The following NKAIN2 variants were observed in gnomAD, a reference collection of about 807,000 sequenced individuals.
The protein encoded by NKAIN2 is sodium/potassium transporting ATPase interacting 2, also known as sodium/potassium-transporting ATPase subunit beta-1-interacting protein 2.
In NKAIN2, 14 loss-of-function variants were observed where a neutral mutation model predicts 32.6. That is an observed-to-expected ratio of 0.43 (90% CI 0.28 to 0.67). NKAIN2 has a LOEUF of 0.67. NKAIN2 is among the 30% of genes least tolerant of loss of function. The pLI, the probability that NKAIN2 is intolerant of heterozygous loss-of-function variation, is 0.17. For missense variants in NKAIN2, 198 were observed against 258.3 expected (o/e 0.77, Z 1.60); for synonymous variants, 80 against 87.2 (o/e 0.92, Z 0.46).
intron 1 of NKAIN2, among the ~76,000 whole-genome samples, chr6:123,888,609 T>C (rs1056377313): frequency 2.0e-5 from 3 of 152,164 alleles, no homozygotes; most frequent in Non-Finnish European, 4.4e-5. Flanking sequence ...CAAATCAATA[T>C]TAAAGTTCCT....
intron 1 of NKAIN2, among the ~76,000 whole-genome samples, chr6:123,917,935 G>T (rs912155588): frequency 8.5e-5 from 13 of 152,092 alleles, no homozygotes; most frequent in African/African-American, 3.1e-4. Flanking sequence ...AGGAATTTTT[G>T]TAAGCTGGGA....
At chr6:124,626,857 C>G (rs1562292395) in intron 3 of NKAIN2, among the ~76,000 whole-genome samples, 1 of 152,086 alleles carries the variant, frequency 6.6e-6, no homozygotes, top group Non-Finnish European at 1.5e-5. Context: ...TGAGTCAGGC[C>G]AGAGCCCTTC....
chr6:124,186,368 A>C (rs1040025023), intron 1 of NKAIN2, among the ~76,000 whole-genome samples: 3 of 152,104 alleles, frequency 2.0e-5, no homozygotes, highest in African/African-American at 7.2e-5. Flanking sequence ...ACTTGAGCAC[A>C]GGAGTTCCAG....
intron 1 of NKAIN2, among the ~76,000 whole-genome samples, chr6:123,815,118 G>A (rs896575321): frequency 1.3e-5 from 2 of 152,138 alleles, no homozygotes; most frequent in South Asian, 2.1e-4. Flanking sequence ...ACGTCAAGCC[G>A]TGTTTCTATC....
At chr6:123,967,520 C>T (rs1778139365) in intron 1 of NKAIN2, among the ~76,000 whole-genome samples, 1 of 152,240 alleles carries the variant, frequency 6.6e-6, no homozygotes, top group South Asian at 2.1e-4. Context: ...ATAATTGCAG[C>T]TTTTCATGTC....
chr6:124,400,065 TTGAC>T (rs1279182702), intron 3 of NKAIN2, among the ~76,000 whole-genome samples: 2 of 152,160 alleles, frequency 1.3e-5, no homozygotes, highest in Non-Finnish European at 2.9e-5. Context: ...TTCTTCCTAA[TTGAC>T]TGCACTGAGG....
chr6:124,327,058 G>C (rs1797445614), intron 2 of NKAIN2, among the ~76,000 whole-genome samples: 1 of 146,674 alleles, frequency 6.8e-6, no homozygotes, highest in Middle Eastern at 3.5e-3. Flanking sequence ...AGGTTCCTCA[G>C]ACTATTTTTT....
intron 2 of NKAIN2, among the ~76,000 whole-genome samples, chr6:124,297,495 G>C (rs1796103811): frequency 6.6e-6 from 1 of 152,008 alleles, no homozygotes; most frequent in Non-Finnish European, 1.5e-5. Context: ...AGTGGCAGAG[G>C]CAGAAAAGGT....
At chr6:124,742,305 C>A (rs1271985062) in intron 4 of NKAIN2, among the ~76,000 whole-genome samples, 2 of 151,768 alleles carry the variant, frequency 1.3e-5, no homozygotes, top group African/African-American at 4.8e-5. Context: ...TCATCCAAGC[C>A]ATTGAGGGCC....
chr6:124,261,698 A>G (rs992768194), intron 1 of NKAIN2, among the ~76,000 whole-genome samples: 3 of 152,086 alleles, frequency 2.0e-5, no homozygotes, highest in Non-Finnish European at 4.4e-5. Flanking sequence ...CACCTCGGCT[A>G]AAAGTCCAAA....
chr6:123,985,897 A>G (rs1779115234), intron 1 of NKAIN2, among the ~76,000 whole-genome samples: 1 of 152,154 alleles, frequency 6.6e-6, no homozygotes, highest in South Asian at 2.1e-4. Flanking sequence ...CATCTAAAAA[A>G]GCCTAGAAGC....
intron 3 of NKAIN2, among the ~76,000 whole-genome samples, chr6:124,595,112 C>T (rs961892114): frequency 6.6e-6 from 1 of 152,186 alleles, no homozygotes; most frequent in African/African-American, 2.4e-5. Context: ...GGTGTGGGGA[C>T]CACCCCAAGG....
At chr6:124,684,390 A>G (rs569821626) in intron 4 of NKAIN2, among the ~76,000 whole-genome samples, 177 of 152,210 alleles carry the variant, frequency 1.2e-3, no homozygotes, top group African/African-American at 4.2e-3. Flanking sequence ...TCCACCCCAG[A>G]CTCCTATCAG....
intron 1 of NKAIN2, among the ~76,000 whole-genome samples, chr6:123,965,657 T>C (rs147697235): frequency 2.6e-5 from 4 of 152,316 alleles, no homozygotes; most frequent in African/African-American, 9.6e-5. Flanking sequence ...CTTTTGTTTA[T>C]TCTGTTGCCT....
chr6:124,245,883 G>T (rs530385711), intron 1 of NKAIN2, among the ~76,000 whole-genome samples: 43 of 152,160 alleles, frequency 2.8e-4, no homozygotes, highest in Admixed American at 5.2e-4. Flanking sequence ...GACATGATAC[G>T]CATAAGTTGC....
chr6:124,174,491 A>C (rs1285609716), intron 1 of NKAIN2, among the ~76,000 whole-genome samples: 2 of 152,186 alleles, frequency 1.3e-5, no homozygotes, highest in Non-Finnish European at 2.9e-5. Context: ...GTAATTTAGC[A>C]CAATAAAAGC....
intron 2 of NKAIN2, among the ~76,000 whole-genome samples, chr6:124,350,847 C>T (rs7744756): frequency 8.6e-5 from 13 of 151,912 alleles, no homozygotes; most frequent in African/African-American, 2.9e-4. Flanking sequence ...CTCATAGCTG[C>T]GCATGGTGGC....
chr6:124,549,020 A>G (rs1296793618), intron 3 of NKAIN2, among the ~76,000 whole-genome samples: 1 of 151,958 alleles, frequency 6.6e-6, no homozygotes, highest in East Asian at 1.9e-4. Context: ...ACCACAGACA[A>G]CTCTTTTGAG....
chr6:124,125,936 A>G lies in NKAIN2; in HGVS notation c.55-157069A>G, dbSNP rs1250479981. Among the ~76,000 whole-genome samples the G allele has an allele frequency of 2.0e-5, 3 of 152,082 alleles. No individual in the cohort carries two copies. In the East Asian group the frequency reaches 5.8e-4, roughly 29 times the overall value. On this transcript the variant is annotated intron_variant, in intron 1 of 6. Transcript: ENST00000368417. ...GTTCCCTTCCAGGTCACACTCCCCT[A>G]GAGTTCTTGAAGTGTTTCGCTCTTG... is the stretch of plus-strand genomic sequence containing the variant.
Sources: allele counts gnomAD v4.1 joint callset (sites outside exome capture counted in the v4.1 genomes callset), GRCh38; gene constraint gnomAD v4.1.1; transcripts MANE v1.5; gene names NCBI Gene and HGNC (gene_info 2026-07-23, HGNC 2026-07-21).